The following SLMAP variants were observed in gnomAD, a reference collection of about 807,000 sequenced individuals.
SLMAP encodes sarcolemmal membrane-associated protein.
Under a neutral mutation model 128.8 loss-of-function variants are expected in SLMAP, and 44 were observed. The ratio of observed to expected loss-of-function variants is 0.34; its 90% CI spans 0.27 to 0.44. The LOEUF (loss-of-function observed/expected upper bound fraction) is 0.44, where lower values mean the gene tolerates loss of function less well. Ranked by LOEUF, SLMAP falls within the 20% of genes least tolerant of loss-of-function variation. The pLI is 1.00. For missense variants in SLMAP, 787 were observed against 985.3 expected (o/e 0.80, Z 2.69); for synonymous variants, 327 against 348.8 (o/e 0.94, Z 0.70).
intron 13 of SLMAP, among the ~76,000 whole-genome samples, chr3:57,868,456 T>C (rs898308595): frequency 6.6e-6 from 1 of 151,418 alleles, no homozygotes; most frequent in Non-Finnish European, 1.5e-5. Context: ...TGAGGTGTGG[T>C]GGCATGTGCC....
At position 57,916,954 on chromosome 3, in the gene SLMAP, A is replaced by G. The variant is rs1201304827; in HGVS notation, c.2187A>G (p.Gln729=). ...TTACCAGTGATCTCAGCATCCTTCAAATGTCTAGGAAAGAACTTGAGAATC... is the reference window on the plus strand; with the variant it reads ...TTACCAGTGATCTCAGCATCCTTCAGATGTCTAGGAAAGAACTTGAGAATC... The part of the protein sequence containing the change: ...LELTSDLSIL[Q]MSRKELENQV... The change falls in exon 22 of 25, where the codon CAA becomes CAG. Residue 729 remains glutamine, a synonymous_variant. Transcript: ENST00000671191. The G allele has an allele frequency of 9.3e-6, 15 of 1,613,912 alleles. No homozygotes were observed. The highest frequency in any genetic ancestry group is 9.3e-6 in the Non-Finnish European group (11 of 1,179,902).
At chr3:57,791,345 GA>G (rs1471808349) in intron 2 of SLMAP, among the ~76,000 whole-genome samples, 2 of 151,460 alleles carry the variant, frequency 1.3e-5, no homozygotes, top group Non-Finnish European at 2.9e-5. Flanking sequence ...GGGCAACAGA[GA>G]CTCCATCTCA....
intron 2 of SLMAP, among the ~76,000 whole-genome samples, chr3:57,771,170 TCC>T (rs1220560093): frequency 1.4e-5 from 1 of 71,832 alleles, no homozygotes; most frequent in African/African-American, 5.1e-5. Flanking sequence ...TCCCCTCCCC[TCC>T]CCTCCCCTCT....
intron 2 of SLMAP, among the ~76,000 whole-genome samples, chr3:57,768,078 C>T (rs2080093702): frequency 1.3e-5 from 2 of 152,130 alleles, no homozygotes; most frequent in Non-Finnish European, 2.9e-5. Flanking sequence ...ATGAATGAAA[C>T]AGCCTTGGAA....
At chr3:57,857,119 ACTTG>A (rs1242371011) in intron 6 of SLMAP, among the ~76,000 whole-genome samples, 2 of 152,116 alleles carry the variant, frequency 1.3e-5, no homozygotes, top group Non-Finnish European at 2.9e-5. Context: ...GTTTTTAAAA[ACTTG>A]CTCTTCCAAA....
chr3:57,828,185 C>G (rs2093061018), intron 2 of SLMAP, among the ~76,000 whole-genome samples: 1 of 152,184 alleles, frequency 6.6e-6, no homozygotes, highest in South Asian at 2.1e-4. Flanking sequence ...TCTCAAACTC[C>G]TGACCTCAGG....
rs192583510 is a variant in SLMAP at position 57,768,955 on chromosome 3, C to G, written c.198+11106C>G. On this transcript the variant is annotated intron_variant, in intron 2 of 24. Coordinates refer to ENST00000671191, the MANE Select transcript of SLMAP (RefSeq NM_001377540.1). ...TTCATACTTGCCAGCACCCCCCACC[C>G]CAGTTGCGTGAGCCAATTCCATTAG... is the stretch of plus-strand genomic sequence containing the variant. Among the ~76,000 whole-genome samples the G allele has an allele frequency of 3.9e-5, 6 of 152,192 alleles. No homozygotes were observed. In the East Asian group the frequency reaches 9.7e-4, roughly 25 times the overall value.
In SLMAP at chr3:57,756,334, G is replaced by C. The variant is rs375432802; in HGVS notation, c.-1113G>C. 6.5e-6 allele frequency: 1 copy of C among 153,424 alleles called. No individual in the cohort carries two copies. The highest frequency in any genetic ancestry group is 1.9e-4 in the East Asian group (1 of 5,222). 9.5% of individuals were successfully genotyped at this position (153,424 alleles called of 1,614,324 possible). A position where few individuals can be genotyped will look rare whatever the true frequency, so the allele number is the denominator to read the frequency against. On this transcript the variant is annotated 5_prime_UTR_variant, in exon 1 of 25. Coordinates refer to ENST00000671191, the MANE Select transcript of SLMAP (RefSeq NM_001377540.1). ...AGTCAGAGTCACTATGGCGGCCGGC[G>C]CTGGCAAGGTAAGCTGAGGCGGTGG...
intron 3 of SLMAP, among the ~76,000 whole-genome samples, chr3:57,837,561 A>G (rs1045419631): frequency 1.3e-5 from 2 of 151,986 alleles, no homozygotes; most frequent in African/African-American, 4.8e-5. Flanking sequence ...AGTAGAGACA[A>G]GGTTTCACTG....
chr3:57,896,303 C>G, intron 15 of SLMAP: 1 of 1,283,524 alleles, frequency 7.8e-7, no homozygotes, highest in Non-Finnish European at 9.8e-7. Flanking sequence ...CAGACATGAT[C>G]CACATTATAA....
intron 2 of SLMAP, among the ~76,000 whole-genome samples, chr3:57,793,836 G>T (rs984674852): frequency 1.3e-5 from 2 of 150,880 alleles, no homozygotes; most frequent in African/African-American, 4.9e-5. Context: ...GAGGTGGGAG[G>T]ATCACTTCAG....
chr3:57,856,542 A>G (rs539356126), intron 6 of SLMAP, among the ~76,000 whole-genome samples: 1 of 152,272 alleles, frequency 6.6e-6, no homozygotes, highest in African/African-American at 2.4e-5. Flanking sequence ...CCACCTCCAC[A>G]TCATATCCCA....
In SLMAP at chr3:57,865,114, G is replaced by A. The variant is rs1033563736; in HGVS notation, c.1187-128G>A. The A allele has an allele frequency of 2.3e-5, 14 of 602,882 alleles. No individual in the cohort carries two copies. The African/African-American group carries it at 2.7e-4, about 11-fold the overall frequency. The allele number at this position is 602,882 out of a possible 1,614,324, so 37.3% of individuals were successfully genotyped here. ...TTTAAATAAGAAAAGTACATGAACA[G>A]CAGGATCCCTTTTAAAGTGTTCTAT... On this transcript the variant is annotated intron_variant, in intron 12 of 24. Coordinates refer to ENST00000671191, the MANE Select transcript of SLMAP (RefSeq NM_001377540.1).
chr3:57,841,801 C>G (rs1206641799), intron 4 of SLMAP, among the ~76,000 whole-genome samples: 1 of 152,028 alleles, frequency 6.6e-6, no homozygotes, highest in African/African-American at 2.4e-5. Context: ...TAGTTGTTAG[C>G]TTATTTTGGT....
At chr3:57,817,984 A>G (rs2092076168) in intron 2 of SLMAP, among the ~76,000 whole-genome samples, 1 of 152,216 alleles carries the variant, frequency 6.6e-6, no homozygotes, top group Non-Finnish European at 1.5e-5. Flanking sequence ...AAATGAACAG[A>G]ATCCTTGCTG....
Position 57,890,214 on chromosome 3 carries a change from A to G in SLMAP, c.1360+114A>G. On this transcript the variant is annotated intron_variant, in intron 15 of 24. Coordinates refer to ENST00000671191, the MANE Select transcript of SLMAP (RefSeq NM_001377540.1). Reference sequence around the variant, plus strand: ...TCAGTTTACTTCTTATAGCTCACAAAATAGCAAGCCAGTAACAGTATCAGA... The same window carrying G: ...TCAGTTTACTTCTTATAGCTCACAAGATAGCAAGCCAGTAACAGTATCAGA... 4 of 894,078 alleles carry G rather than the reference A, an allele frequency of 4.5e-6. No homozygotes were observed. In the South Asian group the frequency reaches 6.6e-5, roughly 15 times the overall value. The allele number at this position is 894,078 out of a possible 1,614,324, so 55.4% of individuals were successfully genotyped here.
intron 24 of SLMAP, among the ~76,000 whole-genome samples, chr3:57,926,935 A>G (rs1221862969): frequency 1.3e-5 from 2 of 152,190 alleles, no homozygotes; most frequent in East Asian, 1.9e-4. Context: ...GAAACATACT[A>G]CAGGTGTCTA....
chr3:57,894,181 A>C (rs930909712), intron 15 of SLMAP, among the ~76,000 whole-genome samples: 3 of 152,182 alleles, frequency 2.0e-5, no homozygotes, highest in Non-Finnish European at 4.4e-5. Context: ...ATGTGAAGTT[A>C]AAAAGTAAAT....
rs12635031 is a variant in SLMAP, at chr3:57,892,875, G to T, written c.1360+2775G>T. Among the ~76,000 whole-genome samples, 16 of 135,316 alleles carry T rather than the reference G, an allele frequency of 1.2e-4. No individual in the cohort carries two copies. In the East Asian group the frequency reaches 3.3e-3, roughly 28 times the overall value. 88.8% of individuals were successfully genotyped at this position (135,316 alleles called of 152,430 possible). A position where few individuals can be genotyped will look rare whatever the true frequency, so the allele number is the denominator to read the frequency against. On this transcript the variant is annotated intron_variant, in intron 15 of 24. Transcript: ENST00000671191. ...TGGAGATGGAGTCTCGCTCTGTTGC[G>T]CAGGCTGGAGTGCAGTGGCTCAATC...
Sources: gnomAD v4.1 joint callset for allele counts (sites outside exome capture counted in the v4.1 genomes callset) on GRCh38, gnomAD v4.1.1 for gene constraint, MANE v1.5 for transcripts, NCBI Gene and HGNC (gene_info 2026-07-23, HGNC 2026-07-21) for gene names.